Variants in CEP112 observed in about 807,000 individuals in gnomAD.
CEP112 encodes the protein centrosomal protein 112.
Under a neutral mutation model 153.0 loss-of-function variants are expected in CEP112, and 127 were observed. The observed-to-expected ratio is 0.83, with a 90% CI of 0.72 to 0.96. CEP112 has a LOEUF of 0.96. Among genes scored for constraint, CEP112 ranks in the 40% least tolerant of loss-of-function variants. The pLI is 0.00. For missense variants in CEP112, 1,089 were observed against 1,101.2 expected (o/e 0.99, Z 0.16); for synonymous variants, 358 against 374.4 (o/e 0.96, Z 0.51).
At chr17:65,764,918 G>T in intron 21 of CEP112, among the ~76,000 whole-genome samples, 2 of 136,948 alleles carry the variant, frequency 1.5e-5, no homozygotes, top group Non-Finnish European at 1.5e-5. Flanking sequence ...TTATTTTTTT[G>T]TGTATCTGCT....
chr17:65,758,310 G>C (rs2052407777), intron 21 of CEP112, among the ~76,000 whole-genome samples: 1 of 151,966 alleles, frequency 6.6e-6, no homozygotes, highest in African/African-American at 2.4e-5. Flanking sequence ...TGTTTTTCTA[G>C]GGCTGCTTCC....
At chr17:65,701,490 T>C (rs908439752) in intron 23 of CEP112, among the ~76,000 whole-genome samples, 6 of 152,072 alleles carry the variant, frequency 3.9e-5, no homozygotes, top group African/African-American at 1.2e-4. Context: ...AGATCATGAG[T>C]TCCATTTTAA....
At chr17:65,639,414 C>T (rs529335943) in intron 25 of CEP112, among the ~76,000 whole-genome samples, 2 of 152,058 alleles carry the variant, frequency 1.3e-5, no homozygotes, top group South Asian at 2.1e-4. Context: ...GGGCTGGGCA[C>T]GGTGGCTCAT....
intron 18 of CEP112, among the ~76,000 whole-genome samples, chr17:65,944,923 G>A (rs1482122091): frequency 6.6e-6 from 1 of 152,110 alleles, no homozygotes; most frequent in African/African-American, 2.4e-5. Flanking sequence ...TTTTGGACAA[G>A]TATTAACATT....
intron 23 of CEP112, among the ~76,000 whole-genome samples, chr17:65,722,469 G>A (rs543579505): frequency 2.0e-5 from 3 of 152,188 alleles, no homozygotes; most frequent in Non-Finnish European, 4.4e-5. Flanking sequence ...GGTTGGTCTC[G>A]AACTCCTGAC....
intron 17 of CEP112, among the ~76,000 whole-genome samples, chr17:66,000,938 G>T (rs987189970): frequency 1.3e-5 from 2 of 152,212 alleles, no homozygotes; most frequent in Non-Finnish European, 2.9e-5. Context: ...GTGATGCTGT[G>T]CTGGATTTTC....
chr17:65,744,530 C>A (rs1477992116), intron 22 of CEP112, among the ~76,000 whole-genome samples: 1 of 152,224 alleles, frequency 6.6e-6, no homozygotes, highest in African/African-American at 2.4e-5. Flanking sequence ...CAGGCGTGAG[C>A]CACCATGCTT....
At chr17:66,109,528 C>T (rs996884507) in intron 6 of CEP112, among the ~76,000 whole-genome samples, 2 of 151,316 alleles carry the variant, frequency 1.3e-5, no homozygotes, top group African/African-American at 4.9e-5. Flanking sequence ...GAAGAGTTTA[C>T]AAAGATATAA....
chr17:66,054,661 C>T lies in CEP112; in HGVS notation c.1075-782G>A, dbSNP rs553727754. Among the ~76,000 whole-genome samples the T allele has an allele frequency of 1.3e-3, 202 of 152,296 alleles. 1 individual carries two copies. The highest frequency in any genetic ancestry group is 2.8e-3 in the Admixed American group (43 of 15,300). The stretch of plus-strand genomic sequence containing the variant: ...ACTTATCTTAATGGGGGTACAACTC[C>T]GAGTCTAACTTCCATTCCCTGCATC... On this transcript the variant is annotated intron_variant, in intron 11 of 26. Coordinates refer to ENST00000535342, the MANE Select transcript of CEP112 (RefSeq NM_001199165.4).
At chr17:66,140,689 C>G (rs1296776106) in intron 4 of CEP112, among the ~76,000 whole-genome samples, 2 of 152,176 alleles carry the variant, frequency 1.3e-5, no homozygotes, top group Non-Finnish European at 2.9e-5. Context: ...GTTGCCAAGG[C>G]TGGGGTGCAA....
chr17:66,074,108 A>G (rs2067397014), intron 8 of CEP112, among the ~76,000 whole-genome samples: 1 of 152,160 alleles, frequency 6.6e-6, no homozygotes, highest in Non-Finnish European at 1.5e-5. Flanking sequence ...TATTTTAATG[A>G]AAGAACGGAT....
At chr17:65,896,274 T>A (rs552953138) in intron 20 of CEP112, among the ~76,000 whole-genome samples, 3 of 152,092 alleles carry the variant, frequency 2.0e-5, no homozygotes, top group Non-Finnish European at 4.4e-5. Context: ...TTGCCTCATC[T>A]TGTATTTTTT....
chr17:65,783,150 T>G (rs193244156), intron 21 of CEP112, among the ~76,000 whole-genome samples: 2 of 151,986 alleles, frequency 1.3e-5, no homozygotes, highest in Non-Finnish European at 2.9e-5. Flanking sequence ...CAAAACAAGA[T>G]ACACAGAAGG....
intron 4 of CEP112, among the ~76,000 whole-genome samples, chr17:66,134,737 T>C (rs2070360507): frequency 6.6e-6 from 1 of 152,118 alleles, no homozygotes; most frequent in African/African-American, 2.4e-5. Context: ...GAGGATCACT[T>C]GAGACCAGCG....
chr17:65,672,399 A>G (rs2047029171), intron 24 of CEP112, among the ~76,000 whole-genome samples: 1 of 152,222 alleles, frequency 6.6e-6, no homozygotes, highest in Non-Finnish European at 1.5e-5. Flanking sequence ...AATGAACTCT[A>G]CAATCTTAGC....
chr17:66,091,270 T>G lies in CEP112; in HGVS notation c.768+4981A>C, dbSNP rs181200250. ...TTCTCAACCAAATGTGAAATATTCT[T>G]CAGCATAGATCATATGTTAGTTCAC... On this transcript the variant is annotated intron_variant, in intron 8 of 26. Coordinates refer to ENST00000535342, the MANE Select transcript of CEP112 (RefSeq NM_001199165.4). 3.7e-3 allele frequency among the ~76,000 whole-genome samples: 562 copies of G among 152,220 alleles called. 2 individuals carry two copies. Among genetic ancestry groups the G allele is most frequent in the Non-Finnish European group, 5.8e-3 (394 of 67,974 alleles).
At chr17:65,760,751 C>T (rs1243500220) in intron 21 of CEP112, among the ~76,000 whole-genome samples, 3 of 151,990 alleles carry the variant, frequency 2.0e-5, no homozygotes, top group Non-Finnish European at 4.4e-5. Context: ...CAGGGTAATG[C>T]TGACCTCACA....
chr17:65,806,382 T>G (rs2055598394), intron 21 of CEP112, among the ~76,000 whole-genome samples: 1 of 152,248 alleles, frequency 6.6e-6, no homozygotes, highest in Admixed American at 6.5e-5. Flanking sequence ...CCACTATGGT[T>G]TGAACGTGTC....
chr17:66,055,317 C>T (rs2066635602), intron 11 of CEP112, among the ~76,000 whole-genome samples: 1 of 152,164 alleles, frequency 6.6e-6, no homozygotes, highest in Non-Finnish European at 1.5e-5. Flanking sequence ...CTGGATTTTG[C>T]AAGTTTAACA....
Sources: gnomAD v4.1 joint callset for allele counts (sites outside exome capture counted in the v4.1 genomes callset) on GRCh38, gnomAD v4.1.1 for gene constraint, MANE v1.5 for transcripts, NCBI Gene and HGNC (gene_info 2026-07-23, HGNC 2026-07-21) for gene names.